The following PTAFR variants were observed in gnomAD, a reference collection of about 807,000 sequenced individuals.
PTAFR encodes platelet activating factor receptor.
A neutral mutation model predicts 14.7 loss-of-function variants in PTAFR; 8 were observed. The observed-to-expected ratio is 0.54, with a 90% CI of 0.32 to 0.98. The LOEUF is 0.98. Ranked by LOEUF, PTAFR falls within the 50% of genes least tolerant of loss-of-function variation. The pLI, the probability that PTAFR is intolerant of heterozygous loss-of-function variation, is 0.04. For missense variants in PTAFR, 337 were observed against 451.2 expected (o/e 0.75, Z 2.29); for synonymous variants, 156 against 176.5 (o/e 0.88, Z 0.92).
chr1:28,189,816 C>A (rs1369056527), intron 1 of PTAFR, among the ~76,000 whole-genome samples: 1 of 151,026 alleles, frequency 6.6e-6, no homozygotes, highest in Non-Finnish European at 1.5e-5. Context: ...CAGGTGCACA[C>A]CACTGTGTCC....
At chr1:28,169,892 C>T (rs529210960) in intron 1 of PTAFR, among the ~76,000 whole-genome samples, 19 of 151,748 alleles carry the variant, frequency 1.3e-4, no homozygotes, top group African/African-American at 4.6e-4. Flanking sequence ...CCCAGCTACT[C>T]GGGAGGCCGA....
At chr1:28,189,257 T>C (rs965244302) in intron 1 of PTAFR, among the ~76,000 whole-genome samples, 2 of 151,290 alleles carry the variant, frequency 1.3e-5, no homozygotes, top group African/African-American at 4.9e-5. Flanking sequence ...ATTTGTATGA[T>C]TCTTCAGTGC....
At chr1:28,176,279 C>CA (rs1646512087) in intron 1 of PTAFR, among the ~76,000 whole-genome samples, 1 of 151,530 alleles carries the variant, frequency 6.6e-6, no homozygotes, top group Non-Finnish European at 1.5e-5. Flanking sequence ...CTCGTCTCCA[C>CA]AAAAAATACA....
intron 1 of PTAFR, among the ~76,000 whole-genome samples, chr1:28,157,789 C>T (rs1452169594): frequency 3.3e-5 from 5 of 151,854 alleles, no homozygotes; most frequent in African/African-American, 7.3e-5. Flanking sequence ...CCACGACGCC[C>T]GGCTAATTTT....
intron 1 of PTAFR, among the ~76,000 whole-genome samples, chr1:28,182,681 T>G (rs537673522): frequency 1.7e-4 from 26 of 151,942 alleles, no homozygotes; most frequent in Non-Finnish European, 3.5e-4. Flanking sequence ...CTGTTGCACA[T>G]GTTTTCTGTT....
intron 1 of PTAFR, among the ~76,000 whole-genome samples, chr1:28,191,976 G>A (rs115480628): frequency 0.023 from 3,424 of 152,056 alleles, 140 homozygotes; most frequent in African/African-American, 0.077. Context: ...GGACTGAGGC[G>A]GGAGGATCGT....
At chr1:28,170,836 T>C (rs996421821) in intron 1 of PTAFR, among the ~76,000 whole-genome samples, 2 of 150,556 alleles carry the variant, frequency 1.3e-5, no homozygotes, top group African/African-American at 2.5e-5. Flanking sequence ...CTGTCTCTAC[T>C]AAAAATACAA....
rs866621067 is a variant in PTAFR at position 28,147,472 on chromosome 1, C to A, written c.*2521G>T. 1.3e-5 allele frequency: 2 copies of A among 152,196 alleles called. No individual in the cohort carries two copies. Among genetic ancestry groups the A allele is most frequent in the African/African-American group, 4.8e-5 (2 of 41,442 alleles). 9.4% of individuals were successfully genotyped at this position (152,196 alleles called of 1,614,324 possible). A position where few individuals can be genotyped will look rare whatever the true frequency, so the allele number is the denominator to read the frequency against. ...AGGCGGTGCCCGGCTGCTCTCCAGG[C>A]GCCTGTGATTCCTCTGGTCCCTGCC... On this transcript the variant is annotated 3_prime_UTR_variant, in exon 2 of 2. Coordinates refer to ENST00000373857, the MANE Select transcript of PTAFR (RefSeq NM_000952.5).
At position 28,149,892 on chromosome 1, in the gene PTAFR, G is replaced by T; in HGVS notation, c.*101C>A. On this transcript the variant is annotated 3_prime_UTR_variant, in exon 2 of 2. Transcript: ENST00000373857. ...CCTCCAAATCTAATGGCCCACCAGT[G>T]CCCACAGAGGTGGTGCCCAGACCAC... The T allele has an allele frequency of 7.0e-7, 1 of 1,423,774 alleles. No individual in the cohort carries two copies. The highest frequency in any genetic ancestry group is 9.5e-7 in the Non-Finnish European group (1 of 1,053,068). 88.2% of individuals were successfully genotyped at this position (1,423,774 alleles called of 1,614,324 possible). A position where few individuals can be genotyped will look rare whatever the true frequency, so the allele number is the denominator to read the frequency against.
intron 1 of PTAFR, among the ~76,000 whole-genome samples, chr1:28,189,378 C>T (rs1455266781): frequency 3.3e-5 from 5 of 151,942 alleles, no homozygotes; most frequent in Admixed American, 1.3e-4. Context: ...CTTTGGGAGA[C>T]GGAGGCGGGC....
intron 1 of PTAFR, among the ~76,000 whole-genome samples, chr1:28,171,089 G>A (rs1392399567): frequency 1.3e-5 from 2 of 152,146 alleles, no homozygotes; most frequent in South Asian, 2.1e-4. Context: ...CTGGGAGGCC[G>A]AGGCAGGCAG....
At chr1:28,189,552 G>A (rs1429752720) in intron 1 of PTAFR, among the ~76,000 whole-genome samples, 1 of 151,808 alleles carries the variant, frequency 6.6e-6, no homozygotes, top group African/African-American at 2.4e-5. Context: ...GGTGGAGGTT[G>A]CAGTGAGCCG....
intron 1 of PTAFR, among the ~76,000 whole-genome samples, chr1:28,163,156 A>G (rs531075319): frequency 3.7e-4 from 57 of 152,234 alleles, no homozygotes; most frequent in African/African-American, 1.3e-3. Context: ...AATCTTACTC[A>G]TCTTAAGACC....
intron 1 of PTAFR, among the ~76,000 whole-genome samples, chr1:28,165,781 T>C (rs1339669574): frequency 6.6e-6 from 1 of 151,394 alleles, no homozygotes; most frequent in African/African-American, 2.4e-5. Flanking sequence ...AGACTCTGTC[T>C]AGGAAAAAAA....
intron 1 of PTAFR, among the ~76,000 whole-genome samples, chr1:28,153,914 C>T (rs1343391645): frequency 2.6e-5 from 4 of 151,324 alleles, no homozygotes; most frequent in African/African-American, 4.9e-5. Flanking sequence ...ATTAGCAAGG[C>T]GTGGTGGTGC....
intron 1 of PTAFR, among the ~76,000 whole-genome samples, chr1:28,190,520 T>C (rs752633362): frequency 2.6e-5 from 4 of 152,114 alleles, no homozygotes; most frequent in Non-Finnish European, 5.9e-5. Context: ...AAGCCTGAGA[T>C]TGGCAAAGAG....
intron 1 of PTAFR, among the ~76,000 whole-genome samples, chr1:28,190,649 T>G (rs1646644570): frequency 6.6e-6 from 1 of 152,040 alleles, no homozygotes; most frequent in Non-Finnish European, 1.5e-5. Flanking sequence ...TAGACAATAG[T>G]GCAAAATAAC....
At chr1:28,168,125 A>AT (rs139930851) in intron 1 of PTAFR, among the ~76,000 whole-genome samples, 17,895 of 126,274 alleles carry the variant, frequency 0.14, 1,642 homozygotes, top group African/African-American at 0.25. Flanking sequence ...CACCCGGCTA[A>AT]TTTTTTTTTT....
intron 1 of PTAFR, among the ~76,000 whole-genome samples, chr1:28,185,471 T>C (rs1021682655): frequency 1.3e-5 from 2 of 152,204 alleles, no homozygotes; most frequent in Non-Finnish European, 2.9e-5. Context: ...GAGTATCGCT[T>C]TTCTCATCAG....
Sources: allele counts gnomAD v4.1 joint callset (sites outside exome capture counted in the v4.1 genomes callset), GRCh38; gene constraint gnomAD v4.1.1; transcripts MANE v1.5; gene names NCBI Gene and HGNC (gene_info 2026-07-23, HGNC 2026-07-21).